The following FGF13 variants were observed in gnomAD, a reference collection of about 807,000 sequenced individuals.
The protein encoded by FGF13 is fibroblast growth factor 13, also known as fibroblast growth factor homologous factor 2.
Under a neutral mutation model 19.5 loss-of-function variants are expected in FGF13, and 2 were observed. The observed-to-expected ratio is 0.10, with a 90% confidence interval of 0.04 to 0.32. The LOEUF (loss-of-function observed/expected upper bound fraction) is 0.32. Ranked by LOEUF, FGF13 falls within the 10% of genes least tolerant of loss-of-function variation. The pLI, the probability that FGF13 is intolerant of heterozygous loss-of-function variation, is 1.00. For missense variants in FGF13, 113 were observed against 192.7 expected, an observed-to-expected ratio of 0.59 and a Z score of 2.45; for synonymous variants, 72 against 76.9, an observed-to-expected ratio of 0.94 and a Z score of 0.33.
intron 1 of FGF13, among the ~76,000 whole-genome samples, chrX:139,140,218 C>T (rs2083832426): frequency 9.0e-6 from 1 of 111,411 alleles, no homozygotes; most frequent in South Asian, 3.8e-4. Flanking sequence ...ATTTCCAAAT[C>T]AAACCCAGTT....
At chrX:139,060,307 A>G (rs1259715588) in intron 1 of FGF13, among the ~76,000 whole-genome samples, 4 of 111,380 alleles carry the variant, frequency 3.6e-5, no homozygotes, top group African/African-American at 6.5e-5. Flanking sequence ...GTATATTTCT[A>G]GATCTAATAT....
At chrX:138,982,720 C>T (rs931667795) in intron 1 of FGF13, among the ~76,000 whole-genome samples, 2 of 111,946 alleles carry the variant, frequency 1.8e-5, no homozygotes, top group African/African-American at 3.2e-5. Flanking sequence ...GGGAAAAGTA[C>T]GCCCAAGGAA....
At chrX:138,920,491 G>T (rs1404893061) in intron 1 of FGF13, among the ~76,000 whole-genome samples, 2 of 111,648 alleles carry the variant, frequency 1.8e-5, no homozygotes, top group African/African-American at 6.5e-5. Context: ...GGTCCCACAA[G>T]ACAAGCTGAA....
intron 1 of FGF13, among the ~76,000 whole-genome samples, chrX:138,717,944 A>G (rs1462855693): frequency 8.9e-6 from 1 of 111,931 alleles, no homozygotes; most frequent in Admixed American, 9.5e-5. Context: ...TTGGAAGATC[A>G]TACTGGATGA....
chrX:138,916,578 TA>T (rs2091619348), intron 1 of FGF13, among the ~76,000 whole-genome samples: 1 of 112,186 alleles, frequency 8.9e-6, no homozygotes, highest in Admixed American at 9.5e-5. Flanking sequence ...TTCAGTGAAA[TA>T]TTAATATGAA....
rs1029773679 is a variant in FGF13, at chrX:138,617,279, A to C, written c.*15571T>G. 8.9e-6 allele frequency: 1 copy of C among 111,917 alleles called. No individual in the cohort carries two copies. The highest frequency in any genetic ancestry group is 3.2e-5 in the African/African-American group (1 of 30,806). 9.2% of individuals were successfully genotyped at this position (111,917 alleles called of 1,213,427 possible). The stretch of plus-strand genomic sequence containing the variant: ...CTCTACTTCCTGATATGCATGATAA[A>C]GGGTTTAAAGATGAAGTGCATTGAT... On this transcript the variant is annotated 3_prime_UTR_variant, in exon 5 of 5. Transcript: ENST00000315930.
chrX:138,866,536 A>C (rs1269973933), intron 1 of FGF13, among the ~76,000 whole-genome samples: 1 of 111,513 alleles, frequency 9.0e-6, no homozygotes, highest in African/African-American at 3.3e-5. Flanking sequence ...ACGGCCTTAT[A>C]ATCAACCTAT....
At position 139,110,988 on chromosome X, in the gene FGF13, T is replaced by G. The variant is rs763795880; in HGVS notation, c.-113+92428A>C. Among the ~76,000 whole-genome samples the G allele has an allele frequency of 1.7e-3, 188 of 111,863 alleles. 1 individual carries two copies. Among genetic ancestry groups the G allele is most frequent in the Middle Eastern group, 4.7e-3 (1 of 215 alleles). ...GTGGTGGTGGTCTAGGTTTCATTCC[T>G]GGAGACACAGCCTAAAGCCCCCACT... is the stretch of plus-strand genomic sequence containing the variant. On this transcript the variant is annotated intron_variant, in intron 1 of 2. Transcript: ENST00000421460.
chrX:139,101,253 A>G (rs1331006177), intron 1 of FGF13, among the ~76,000 whole-genome samples: 1 of 112,414 alleles, frequency 8.9e-6, no homozygotes, highest in Non-Finnish European at 1.9e-5. Flanking sequence ...CAAAAAGCCA[A>G]TAGTCTACTA....
chrX:138,740,885 C>A (rs2090314093), upstream of FGF13, among the ~76,000 whole-genome samples: 1 of 112,442 alleles, frequency 8.9e-6, no homozygotes, highest in African/African-American at 3.2e-5. Context: ...TGTAGCCAGT[C>A]CTGTTTCCCA....
chrX:138,678,111 T>C (rs1045391782), intron 3 of FGF13, among the ~76,000 whole-genome samples: 2 of 111,001 alleles, frequency 1.8e-5, no homozygotes, highest in African/African-American at 3.3e-5. Context: ...TTCTCACTCA[T>C]AGGTGGGAAT....
chrX:138,800,343 G>A (rs2090818078), intron 3 of FGF13, among the ~76,000 whole-genome samples: 1 of 111,306 alleles, frequency 9.0e-6, no homozygotes, highest in Non-Finnish European at 1.9e-5. Context: ...AGCCTAGATT[G>A]GGTGGATATG....
At chrX:138,937,326 A>T (rs2091736218) in intron 1 of FGF13, among the ~76,000 whole-genome samples, 1 of 111,594 alleles carries the variant, frequency 9.0e-6, no homozygotes, top group Non-Finnish European at 1.9e-5. Flanking sequence ...ACTTATAATA[A>T]CACACACAGA....
chrX:138,750,378 G>A (rs1280080646), intron 3 of FGF13, among the ~76,000 whole-genome samples: 1 of 110,982 alleles, frequency 9.0e-6, no homozygotes, highest in Non-Finnish European at 1.9e-5. Flanking sequence ...TTAATGGAGG[G>A]ACATTTTAAT....
chrX:138,814,790 C>T lies in FGF13; in HGVS notation c.217+42722G>A, dbSNP rs549349832. On this transcript the variant is annotated intron_variant, in intron 3 of 6. Transcript: ENST00000436198. ...CATGGAAAACAGTATGGAGGTTGCT[C>T]AAAAAATTAAAAATAGAACTATCAT... 7.2e-5 allele frequency among the ~76,000 whole-genome samples: 8 copies of T among 110,612 alleles called. No homozygotes were observed. The South Asian group carries it at 2.3e-3, about 32-fold the overall frequency.
intron 1 of FGF13, among the ~76,000 whole-genome samples, chrX:138,878,045 C>A (rs973556355): frequency 7.2e-5 from 8 of 111,652 alleles, no homozygotes; most frequent in Non-Finnish European, 1.5e-4. Context: ...ACATTTCCAC[C>A]AACACCACAT....
chrX:139,003,844 T>C (rs2092086809), intron 1 of FGF13, among the ~76,000 whole-genome samples: 1 of 111,510 alleles, frequency 9.0e-6, no homozygotes, highest in African/African-American at 3.3e-5. Flanking sequence ...AGAATGTCGA[T>C]TGGTGCACTC....
At chrX:138,689,802 G>A (rs1438143730) in intron 3 of FGF13, among the ~76,000 whole-genome samples, 1 of 112,184 alleles carries the variant, frequency 8.9e-6, no homozygotes, top group Non-Finnish European at 1.9e-5. Flanking sequence ...CTATTTTCAA[G>A]TTTAATTATT....
At chrX:139,017,206 C>G (rs750154612) in intron 1 of FGF13, among the ~76,000 whole-genome samples, 2 of 108,907 alleles carry the variant, frequency 1.8e-5, no homozygotes, top group Non-Finnish European at 3.8e-5. Context: ...AATTTAGGCC[C>G]AAGTTATGTC....
Sources: gnomAD v4.1 joint callset for allele counts (sites outside exome capture counted in the v4.1 genomes callset) on GRCh38, gnomAD v4.1.1 for gene constraint, MANE v1.5 for transcripts, NCBI Gene and HGNC (gene_info 2026-07-23, HGNC 2026-07-21) for gene names.